Variants in NRXN1 observed in about 807,000 individuals in gnomAD.
NRXN1 encodes neurexin-1.
In NRXN1, 39 loss-of-function variants were observed where a neutral mutation model predicts 150.9. The observed-to-expected ratio is 0.26, with a 90% CI of 0.20 to 0.34. The LOEUF (loss-of-function observed/expected upper bound fraction) is 0.34. Among genes scored for constraint, NRXN1 ranks in the 10% least tolerant of loss-of-function variants. NRXN1 has a pLI of 1.00. For synonymous variants in NRXN1, 924 were observed against 757.0 expected (o/e 1.22, Z -3.62); for missense variants, 1,815 against 1,949.9 (o/e 0.93, Z 1.30).
intron 2 of NRXN1, among the ~76,000 whole-genome samples, chr2:50,937,974 C>T (rs1168964406): frequency 6.6e-6 from 1 of 152,010 alleles, no homozygotes; most frequent in Admixed American, 6.6e-5. Flanking sequence ...AGGCTATCAA[C>T]CCATGTAGCA....
In NRXN1 at chr2:49,978,769, T is replaced by C. The variant is rs1331503462; in HGVS notation, c.4129-34978A>G. Among the ~76,000 whole-genome samples, 3 of 150,498 alleles carry C rather than the reference T, an allele frequency of 2.0e-5. No homozygotes were observed. In the East Asian group the frequency reaches 5.9e-4, roughly 30 times the overall value. On this transcript the variant is annotated intron_variant, in intron 21 of 22. Transcript: ENST00000401669. ...CCCATGGATATTATTACAAACTCTATGGTGTGGGAGAAAACTACATGTCAC... is the reference window on the plus strand; with the variant it reads ...CCCATGGATATTATTACAAACTCTACGGTGTGGGAGAAAACTACATGTCAC...
intron 2 of NRXN1, among the ~76,000 whole-genome samples, chr2:51,002,262 C>T (rs555355861): frequency 6.6e-6 from 1 of 151,998 alleles, no homozygotes; most frequent in South Asian, 2.1e-4. Context: ...TATTTTTCCC[C>T]TCCTATAAAG....
intron 5 of NRXN1, among the ~76,000 whole-genome samples, chr2:50,633,607 G>A (rs559135852): frequency 4.0e-5 from 6 of 151,736 alleles, no homozygotes; most frequent in African/African-American, 1.4e-4. Context: ...TATAAAATAA[G>A]AACACTTGAA....
chr2:50,090,590 T>C (rs1380820811), intron 19 of NRXN1, among the ~76,000 whole-genome samples: 1 of 152,174 alleles, frequency 6.6e-6, no homozygotes, highest in Non-Finnish European at 1.5e-5. Context: ...CAACCACAAG[T>C]AACATTGTTT....
intron 18 of NRXN1, among the ~76,000 whole-genome samples, chr2:50,144,178 C>T (rs1227433145): frequency 1.3e-5 from 2 of 151,782 alleles, no homozygotes; most frequent in Non-Finnish European, 2.9e-5. Context: ...GTTTTGGGAT[C>T]CAAAAAATAC....
At chr2:50,375,012 C>T (rs2080376983) in intron 17 of NRXN1, among the ~76,000 whole-genome samples, 1 of 152,130 alleles carries the variant, frequency 6.6e-6, no homozygotes, top group Non-Finnish European at 1.5e-5. Context: ...GAAGAGGTGG[C>T]TGTTGACACC....
chr2:50,851,620 G>C (rs901550307), intron 5 of NRXN1, among the ~76,000 whole-genome samples: 2 of 152,020 alleles, frequency 1.3e-5, no homozygotes, highest in African/African-American at 4.8e-5. Flanking sequence ...ACCATTTTCA[G>C]AAAATTTGCA....
chr2:50,993,957 C>A (rs1698910774), intron 2 of NRXN1, among the ~76,000 whole-genome samples: 1 of 151,990 alleles, frequency 6.6e-6, no homozygotes, highest in African/African-American at 2.4e-5. Flanking sequence ...ATTGACTATT[C>A]TAATTCATCT....
intron 21 of NRXN1, chr2:49,973,993 A>T: frequency 1.4e-6 from 1 of 717,388 alleles, no homozygotes; most frequent in Non-Finnish European, 2.6e-6. Context: ...GTGCCATCTC[A>T]TATCCATGTC....
chr2:50,819,279 C>A (rs551152441), intron 5 of NRXN1, among the ~76,000 whole-genome samples: 26 of 152,266 alleles, frequency 1.7e-4, no homozygotes, highest in African/African-American at 6.0e-4. Context: ...CAGAAACAAC[C>A]TGTGTCCATT....
At chr2:50,386,225 T>C (rs1025376369) in intron 17 of NRXN1, among the ~76,000 whole-genome samples, 4 of 152,160 alleles carry the variant, frequency 2.6e-5, no homozygotes, top group East Asian at 3.9e-4. Context: ...AAGCAAAATA[T>C]CATTTTGCTA....
At chr2:50,194,818 T>C (rs941544539) in intron 18 of NRXN1, among the ~76,000 whole-genome samples, 35 of 152,192 alleles carry the variant, frequency 2.3e-4, no homozygotes, top group African/African-American at 5.8e-4. Flanking sequence ...TGGTCTAATT[T>C]AAAGAGATTT....
intron 8 of NRXN1, among the ~76,000 whole-genome samples, chr2:50,575,444 A>C (rs1445258620): frequency 2.0e-5 from 3 of 152,142 alleles, no homozygotes; most frequent in African/African-American, 7.2e-5. Flanking sequence ...CCCTAGAGGC[A>C]GAAAGCTCTC....
chr2:50,646,606 C>G (rs1307885642), intron 5 of NRXN1, among the ~76,000 whole-genome samples: 1 of 151,708 alleles, frequency 6.6e-6, no homozygotes, highest in Non-Finnish European at 1.5e-5. Flanking sequence ...ATTTTCCACA[C>G]TAGTGACATG....
intron 2 of NRXN1, among the ~76,000 whole-genome samples, chr2:50,960,226 G>C (rs571460351): frequency 6.6e-6 from 1 of 151,780 alleles, no homozygotes; most frequent in Non-Finnish European, 1.5e-5. Flanking sequence ...GCCTCCATAA[G>C]GCATTAATTT....
At chr2:50,149,790 A>C (rs2058590624) in intron 18 of NRXN1, among the ~76,000 whole-genome samples, 1 of 151,538 alleles carries the variant, frequency 6.6e-6, no homozygotes, top group South Asian at 2.1e-4. Context: ...ATCTTTGGTG[A>C]CTAGTTTAAT....
At position 50,190,247 on chromosome 2, in the gene NRXN1, T is replaced by C. The variant is rs192686924; in HGVS notation, c.3546+46542A>G. On this transcript the variant is annotated intron_variant, in intron 18 of 22. Coordinates refer to ENST00000401669, the MANE Select transcript of NRXN1 (RefSeq NM_001330078.2). The stretch of plus-strand genomic sequence containing the variant: ...AAAGAGTAAGAATATATTTCAACTA[T>C]GAAAAGTTTTTTTCTATATATGTAT... Among the ~76,000 whole-genome samples, 99 of 152,338 alleles carry C rather than the reference T, an allele frequency of 6.5e-4. 1 individual carries two copies. The highest frequency in any genetic ancestry group is 1.4e-3 in the Admixed American group (21 of 15,288).
At chr2:50,076,315 G>A (rs1179878124) in intron 19 of NRXN1, among the ~76,000 whole-genome samples, 1 of 152,120 alleles carries the variant, frequency 6.6e-6, no homozygotes, top group African/African-American at 2.4e-5. Context: ...AAACTAATAC[G>A]GGGAGGTTAG....
intron 18 of NRXN1, among the ~76,000 whole-genome samples, chr2:50,178,015 A>G (rs1269852844): frequency 6.6e-6 from 1 of 152,080 alleles, no homozygotes; most frequent in Non-Finnish European, 1.5e-5. Flanking sequence ...TTTAGGCCTC[A>G]GTTTCTCATA....
Sources: allele counts gnomAD v4.1 joint callset (sites outside exome capture counted in the v4.1 genomes callset), GRCh38; gene constraint gnomAD v4.1.1; transcripts MANE v1.5; gene names NCBI Gene and HGNC (gene_info 2026-07-23, HGNC 2026-07-21).